Variants in EBF1 observed in about 807,000 individuals in gnomAD.
EBF1 encodes EBF transcription factor 1.
Under a neutral mutation model 68.4 loss-of-function variants are expected in EBF1, and 10 were observed. The ratio of observed to expected loss-of-function variants is 0.15; its 90% CI spans 0.09 to 0.25. The LOEUF is 0.25. Ranked by LOEUF, EBF1 falls within the 10% of genes least tolerant of loss-of-function variation. The pLI is 1.00. For synonymous variants in EBF1, 298 were observed against 299.8 expected, an observed-to-expected ratio of 0.99 and a Z score of 0.06; for missense variants, 509 against 794.4, an observed-to-expected ratio of 0.64 and a Z score of 4.32.
At chr5:159,035,610 A>G (rs1303688291) in intron 6 of EBF1, among the ~76,000 whole-genome samples, 2 of 152,168 alleles carry the variant, frequency 1.3e-5, no homozygotes, top group East Asian at 3.8e-4. Context: ...AATTCATCCA[A>G]CCTCGCTAAG....
chr5:159,089,496 G>A (rs571444536), intron 4 of EBF1, among the ~76,000 whole-genome samples: 4 of 152,182 alleles, frequency 2.6e-5, no homozygotes, highest in Non-Finnish European at 4.4e-5. Flanking sequence ...AGACCACACA[G>A]TAAAATGAAA....
At chr5:159,049,839 G>A (rs1002157903) in intron 6 of EBF1, among the ~76,000 whole-genome samples, 2 of 152,192 alleles carry the variant, frequency 1.3e-5, no homozygotes, top group African/African-American at 2.4e-5. Context: ...TGGGAGGGGT[G>A]CTTATCTGGT....
intron 6 of EBF1, among the ~76,000 whole-genome samples, chr5:158,891,270 G>A (rs1228854051): frequency 6.6e-6 from 1 of 152,162 alleles, no homozygotes; most frequent in Non-Finnish European, 1.5e-5. Flanking sequence ...GCCAACTTCT[G>A]CAGTTAGAAA....
chr5:158,951,793 A>G (rs771596782), intron 6 of EBF1, among the ~76,000 whole-genome samples: 6 of 152,294 alleles, frequency 3.9e-5, no homozygotes, highest in Admixed American at 1.3e-4. Context: ...AGTATCCCTG[A>G]CTTACAGGTC....
chr5:158,876,578 C>T (rs1297069825), intron 6 of EBF1, among the ~76,000 whole-genome samples: 3 of 152,168 alleles, frequency 2.0e-5, no homozygotes, highest in African/African-American at 7.2e-5. Context: ...ACTGCAAGAA[C>T]TTCAGGAAAA....
At chr5:158,763,701 TG>T (rs1328649743) in intron 10 of EBF1, among the ~76,000 whole-genome samples, 1 of 152,160 alleles carries the variant, frequency 6.6e-6, no homozygotes, top group East Asian at 1.9e-4. Context: ...CAAACGACCA[TG>T]GTGATGTTTG....
chr5:158,998,041 C>A (rs1761793347), intron 6 of EBF1, among the ~76,000 whole-genome samples: 1 of 152,140 alleles, frequency 6.6e-6, no homozygotes, highest in Non-Finnish European at 1.5e-5. Context: ...GGACACTGAC[C>A]TCCTCTAGGA....
At chr5:158,760,240 A>G (rs980178164) in intron 10 of EBF1, among the ~76,000 whole-genome samples, 2 of 152,196 alleles carry the variant, frequency 1.3e-5, no homozygotes, top group Non-Finnish European at 2.9e-5. Flanking sequence ...GAGTCCAAAA[A>G]TTGTCTTAAA....
At chr5:158,733,405 T>C (rs191986354) in intron 10 of EBF1, among the ~76,000 whole-genome samples, 1 of 152,340 alleles carries the variant, frequency 6.6e-6, no homozygotes, top group Non-Finnish European at 1.5e-5. Flanking sequence ...GTCTAGAAAT[T>C]CATGGTTGTT....
chr5:159,043,457 T>C (rs779493952), intron 6 of EBF1, among the ~76,000 whole-genome samples: 1 of 152,214 alleles, frequency 6.6e-6, no homozygotes, highest in Non-Finnish European at 1.5e-5. Context: ...CCCACTAGAC[T>C]GTAAAGTCTA....
chr5:158,963,496 C>CTT (rs1753476191), intron 6 of EBF1, among the ~76,000 whole-genome samples: 1 of 152,162 alleles, frequency 6.6e-6, no homozygotes, highest in African/African-American at 2.4e-5. Flanking sequence ...ACTGAAAAAA[C>CTT]AACTTTCCTA....
chr5:158,726,255 G>T (rs757036517), intron 11 of EBF1, among the ~76,000 whole-genome samples: 18 of 152,124 alleles, frequency 1.2e-4, no homozygotes, highest in Non-Finnish European at 2.2e-4. Flanking sequence ...CTACTAACCA[G>T]ATTGGGGACC....
At chr5:158,965,199 C>A (rs909492285) in intron 6 of EBF1, among the ~76,000 whole-genome samples, 1 of 152,182 alleles carries the variant, frequency 6.6e-6, no homozygotes, top group Non-Finnish European at 1.5e-5. Context: ...CTAGGATCCA[C>A]CTCCATATTA....
At chr5:158,894,865 C>T (rs1801867531) in intron 6 of EBF1, among the ~76,000 whole-genome samples, 1 of 152,186 alleles carries the variant, frequency 6.6e-6, no homozygotes, top group African/African-American at 2.4e-5. Flanking sequence ...CATCTCTAAG[C>T]CAACAGTCCC....
chr5:159,067,372 A>G (rs1377317181), intron 6 of EBF1, among the ~76,000 whole-genome samples: 2 of 152,166 alleles, frequency 1.3e-5, no homozygotes, highest in Non-Finnish European at 2.9e-5. Context: ...CATGCTACAC[A>G]TACACACTAC....
intron 6 of EBF1, among the ~76,000 whole-genome samples, chr5:158,956,230 C>A (rs1817048603): frequency 6.6e-6 from 1 of 152,124 alleles, no homozygotes; most frequent in Admixed American, 6.5e-5. Context: ...GTGTCACAGG[C>A]TTTTCAGATC....
intron 14 of EBF1, among the ~76,000 whole-genome samples, chr5:158,710,201 A>G (rs1758866032): frequency 6.6e-6 from 1 of 152,204 alleles, no homozygotes. Flanking sequence ...ATCTGAGAGC[A>G]TATTTGAGAA....
chr5:158,699,626 G>A (rs1287696938), intron 15 of EBF1, among the ~76,000 whole-genome samples: 1 of 152,182 alleles, frequency 6.6e-6, no homozygotes, highest in Non-Finnish European at 1.5e-5. Context: ...CCACAGAGCA[G>A]AAATCTTGAG....
intron 6 of EBF1, among the ~76,000 whole-genome samples, chr5:159,061,182 T>A (rs1301477452): frequency 2.0e-5 from 3 of 151,986 alleles, no homozygotes; most frequent in Non-Finnish European, 4.4e-5. Context: ...TAATACAGGG[T>A]GATAGACAAA....
Sources: allele counts gnomAD v4.1 joint callset (sites outside exome capture counted in the v4.1 genomes callset), GRCh38; gene constraint gnomAD v4.1.1; transcripts MANE v1.5; gene names NCBI Gene and HGNC (gene_info 2026-07-23, HGNC 2026-07-21).